Variants in CDC42BPB observed in about 807,000 individuals in gnomAD.
The protein encoded by CDC42BPB is CDC42 binding protein kinase beta, also known as serine/threonine-protein kinase MRCK beta.
In CDC42BPB, 37 loss-of-function variants were observed where a neutral mutation model predicts 214.9. The ratio of observed to expected loss-of-function variants is 0.17; its 90% CI spans 0.13 to 0.23. The LOEUF (loss-of-function observed/expected upper bound fraction) is 0.23. CDC42BPB is among the 10% of genes least tolerant of loss of function. The probability of loss-of-function intolerance (pLI) is 1.00; values close to 1 mark genes in which losing one functional copy is unlikely to be tolerated. For missense variants in CDC42BPB, 1,694 were observed against 2,227.0 expected, an observed-to-expected ratio of 0.76 and a Z score of 4.82; for synonymous variants, 931 against 884.0, an observed-to-expected ratio of 1.05 and a Z score of -0.94.
intron 14 of CDC42BPB, among the ~76,000 whole-genome samples, chr14:102,969,908 T>G (rs1432698466): frequency 1.3e-5 from 2 of 152,238 alleles, no homozygotes; most frequent in Non-Finnish European, 2.9e-5. Flanking sequence ...TCCTAGGACT[T>G]ACTGTGAATT....
At chr14:102,986,274 T>C (rs1894245042) in intron 6 of CDC42BPB, 1 of 492,040 alleles carries the variant, frequency 2.0e-6, no homozygotes, top group African/African-American at 1.9e-5. Flanking sequence ...ATATTACTTT[T>C]GTAAACATAA....
intron 20 of CDC42BPB, among the ~76,000 whole-genome samples, chr14:102,961,538 C>T (rs564923449): frequency 2.3e-4 from 35 of 149,696 alleles, no homozygotes; most frequent in Non-Finnish European, 1.8e-4. Context: ...AAACCCCCCC[C>T]ACTTTTTTTT....
In CDC42BPB at chr14:102,940,379, C is replaced by T. The variant is rs1891838696; in HGVS notation, c.4409-55G>A. 6 of 1,548,004 alleles carry T rather than the reference C, an allele frequency of 3.9e-6. No homozygotes were observed. In the African/African-American group the frequency reaches 6.8e-5, roughly 18 times the overall value. ...CCACAGTGGCTCAGGAACTCACCTG[C>T]CCTCGGGCCGGAGGCCAAGCCTTGG... On this transcript the variant is annotated intron_variant, in intron 30 of 36. Transcript: ENST00000361246.
At chr14:102,990,556 C>T (rs565712760) in intron 5 of CDC42BPB, among the ~76,000 whole-genome samples, 3 of 152,268 alleles carry the variant, frequency 2.0e-5, no homozygotes, top group South Asian at 2.1e-4. Flanking sequence ...CACAGGTAGA[C>T]GTGTGTGTCC....
chr14:103,002,238 T>C (rs911441223), intron 4 of CDC42BPB, among the ~76,000 whole-genome samples: 1 of 152,032 alleles, frequency 6.6e-6, no homozygotes, highest in Non-Finnish European at 1.5e-5. Flanking sequence ...AGGTGGCAGG[T>C]GTGCACCGCA....
chr14:102,952,622 G>T lies in CDC42BPB; in HGVS notation c.3067-19C>A, dbSNP rs780567956. ...CTTTTGGCTGGAAGGAGAAAATCAA[G>T]AACACTGAGGTGAACCATGGACTCT... On this transcript the variant is annotated intron_variant, in intron 23 of 36. Coordinates refer to ENST00000361246, the MANE Select transcript of CDC42BPB (RefSeq NM_006035.4). The T allele has an allele frequency of 1.9e-6, 3 of 1,608,304 alleles. No individual in the cohort carries two copies. In the African/African-American group the frequency reaches 4.0e-5, roughly 21 times the overall value.
At chr14:102,978,398 C>T (rs547831029) in intron 8 of CDC42BPB, 193 bp from the exon 9 acceptor site, 135 of 927,024 alleles carry the variant, frequency 1.5e-4, no homozygotes, top group African/African-American at 7.1e-5. Flanking sequence ...TGGCCCTGTA[C>T]GCTGTATGTA....
intron 30 of CDC42BPB, chr14:102,941,157 C>T (rs929191783): frequency 6.1e-6 from 6 of 985,346 alleles, no homozygotes; most frequent in Non-Finnish European, 7.2e-6. Context: ...TCACTGCCCC[C>T]ACAGCCCCTC....
At chr14:103,019,125 G>A (rs1056017071) in intron 1 of CDC42BPB, among the ~76,000 whole-genome samples, 4 of 152,108 alleles carry the variant, frequency 2.6e-5, no homozygotes, top group African/African-American at 9.7e-5. Flanking sequence ...TTAGAGACGG[G>A]GTCTTGCTGT....
rs1239652377 is a variant in CDC42BPB, at chr14:103,001,754, C to A, written c.448-2041G>T. Among the ~76,000 whole-genome samples, 2 of 152,176 alleles carry A rather than the reference C, an allele frequency of 1.3e-5. No individual in the cohort carries two copies. Among genetic ancestry groups the A allele is most frequent in the African/African-American group, 4.8e-5 (2 of 41,444 alleles). On this transcript the variant is annotated intron_variant, in intron 4 of 36. Coordinates refer to ENST00000361246, the MANE Select transcript of CDC42BPB (RefSeq NM_006035.4). This position sits in a 1 kb window ranked among gnomAD's most constrained non-coding sequence, Gnocchi z 5.8. ...CAGGGGAGATGCGGTGAACGAACGG[C>A]CAGGCCCTCGGGCCCCTAAGGAAGG...
intron 6 of CDC42BPB, 33 bp downstream of exon 6, chr14:102,986,454 A>G (rs1363340777): frequency 6.4e-7 from 1 of 1,560,814 alleles, no homozygotes; most frequent in African/African-American, 1.4e-5. Context: ...CAAACCCAAA[A>G]CCAAATGGAA....
intron 23 of CDC42BPB, among the ~76,000 whole-genome samples, chr14:102,953,338 C>A (rs1892573255): frequency 6.6e-6 from 1 of 152,214 alleles, no homozygotes; most frequent in African/African-American, 2.4e-5. Context: ...GCCGGGCCAT[C>A]AGGACTAGGA....
At position 102,978,195 on chromosome 14, in the gene CDC42BPB, G is replaced by A; in HGVS notation, c.1151C>T (p.Pro384Leu). 1 of 1,612,472 alleles carries A rather than the reference G, an allele frequency of 6.2e-7. No individual in the cohort carries two copies. Among genetic ancestry groups the A allele is most frequent in the Non-Finnish European group, 8.5e-7 (1 of 1,178,508 alleles). Residue 384 changes from proline (P) to leucine (L), a missense_variant, in exon 9 of 37, where the codon CCT becomes CTT. By Grantham distance (98) the Pro-to-Leu change is moderately conservative (BLOSUM62 -3). Coordinates refer to ENST00000361246, the MANE Select transcript of CDC42BPB (RefSeq NM_006035.4). ...AGAAAAGCCTGTGTGAGAACCAGGAGGTAATATTTCCTGCATAAGAACATA... is the reference window on the plus strand; with the variant it reads ...AGAAAAGCCTGTGTGAGAACCAGGAAGTAATATTTCCTGCATAAGAACATA... ...DDVLRNTEIL[P>L]PGSHTGFSGL...
rs1389445163 is a variant in CDC42BPB at position 102,955,178 on chromosome 14, T to C, written c.2902-490A>G. Among the ~76,000 whole-genome samples, 4 of 152,172 alleles carry C rather than the reference T, an allele frequency of 2.6e-5. No individual in the cohort carries two copies. In the South Asian group the frequency reaches 6.2e-4, roughly 24 times the overall value. On this transcript the variant is annotated intron_variant, in intron 21 of 36. Transcript: ENST00000361246. ...TGGCTCACGCCTGTAATCCCAGCAA[T>C]TTGGGAGGCTGAGGGGGGCAGACCA...
At chr14:103,052,208 T>C (rs1464122880) in intron 1 of CDC42BPB, among the ~76,000 whole-genome samples, 2 of 152,200 alleles carry the variant, frequency 1.3e-5, no homozygotes, top group Non-Finnish European at 2.9e-5. Context: ...CATGCTATTA[T>C]AGTCAGTATC....
chr14:102,950,251 G>T (rs1404653786), intron 25 of CDC42BPB, among the ~76,000 whole-genome samples: 1 of 152,260 alleles, frequency 6.6e-6, no homozygotes, highest in African/African-American at 2.4e-5. Context: ...GACTCTGAGT[G>T]AGCGTCTGCG....
chr14:102,945,907 G>A (rs1892142865), intron 28 of CDC42BPB, among the ~76,000 whole-genome samples, 183 bp from the exon 29 acceptor site: 1 of 152,246 alleles, frequency 6.6e-6, no homozygotes, highest in African/African-American at 2.4e-5. Flanking sequence ...ACTCCACAGG[G>A]CCGGCTGACT....
intron 13 of CDC42BPB, among the ~76,000 whole-genome samples, chr14:102,971,225 T>TA (rs1353600194): frequency 6.6e-6 from 1 of 152,224 alleles, no homozygotes; most frequent in Non-Finnish European, 1.5e-5. Context: ...TAACAAAATG[T>TA]AAAAAATGCC....
chr14:103,024,935 T>C (rs1050869039), intron 1 of CDC42BPB, among the ~76,000 whole-genome samples: 2 of 152,188 alleles, frequency 1.3e-5, no homozygotes, highest in African/African-American at 4.8e-5. Context: ...ACATAAGACT[T>C]TTTACGTGTC....
Sources: allele counts gnomAD v4.1 joint callset (sites outside exome capture counted in the v4.1 genomes callset), GRCh38; gene constraint gnomAD v4.1.1; non-coding constraint Gnocchi (gnomAD v3.1); transcripts MANE v1.5; gene names NCBI Gene and HGNC (gene_info 2026-07-23, HGNC 2026-07-21).